Variants in B3GALT1 observed in about 807,000 individuals in gnomAD.
B3GALT1 encodes the protein UDP-Gal:betaGlcNAc beta 1,3-galactosyltransferase, polypeptide 1.
Under a neutral mutation model 23.2 loss-of-function variants are expected in B3GALT1, and 10 were observed. The ratio of observed to expected loss-of-function variants is 0.43; its 90% CI spans 0.27 to 0.73. B3GALT1 has a LOEUF of 0.73. B3GALT1 is among the 30% of genes least tolerant of loss of function. The pLI is 0.21. For synonymous variants in B3GALT1, 156 were observed against 141.5 expected (o/e 1.10, Z -0.73); for missense variants, 299 against 405.4 (o/e 0.74, Z 2.25).
At chr2:167,794,963 A>G (rs1330597746) in intron 3 of B3GALT1, among the ~76,000 whole-genome samples, 1 of 152,212 alleles carries the variant, frequency 6.6e-6, no homozygotes, top group Non-Finnish European at 1.5e-5. Context: ...ATATGGATGT[A>G]TGTAAAATAC....
At chr2:167,769,352 G>T (rs1688032812) in intron 3 of B3GALT1, among the ~76,000 whole-genome samples, 1 of 152,164 alleles carries the variant, frequency 6.6e-6, no homozygotes, top group South Asian at 2.1e-4. Flanking sequence ...GAAGTCTTAT[G>T]CTGAGTTACA....
chr2:167,844,513 C>T (rs939035381), intron 4 of B3GALT1, among the ~76,000 whole-genome samples: 1 of 152,182 alleles, frequency 6.6e-6, no homozygotes, highest in East Asian at 1.9e-4. Flanking sequence ...GCAGGAGAAG[C>T]TTCAGACCTT....
intron 4 of B3GALT1, among the ~76,000 whole-genome samples, chr2:167,828,001 C>G (rs1001559169): frequency 6.6e-6 from 1 of 152,158 alleles, no homozygotes; most frequent in African/African-American, 2.4e-5. Flanking sequence ...GCTCTAAGCT[C>G]TCTAAGAACA....
chr2:167,491,536 T>G (rs913105994), intron 2 of B3GALT1, among the ~76,000 whole-genome samples: 3 of 147,474 alleles, frequency 2.0e-5, no homozygotes, highest in Admixed American at 6.8e-5. Flanking sequence ...TTTTATGGGC[T>G]GGGTGCAGTG....
chr2:167,541,142 C>A (rs1382213719), intron 2 of B3GALT1, among the ~76,000 whole-genome samples: 1 of 152,052 alleles, frequency 6.6e-6, no homozygotes, highest in African/African-American at 2.4e-5. Flanking sequence ...CCTCCTACTT[C>A]TTTTTCTATC....
At chr2:167,451,930 G>T (rs563008172) in intron 1 of B3GALT1, among the ~76,000 whole-genome samples, 1 of 152,254 alleles carries the variant, frequency 6.6e-6, no homozygotes, top group African/African-American at 2.4e-5. Context: ...GATTATTGCT[G>T]CCTTTGCTGT....
intron 4 of B3GALT1, among the ~76,000 whole-genome samples, chr2:167,860,469 A>G (rs1690077090): frequency 6.6e-6 from 1 of 151,804 alleles, no homozygotes; most frequent in Admixed American, 6.6e-5. Flanking sequence ...TTTCTTCACC[A>G]TGTTTTTAAA....
intron 2 of B3GALT1, among the ~76,000 whole-genome samples, chr2:167,501,718 CAAAAAAAAAAAAA>C (rs35445623): frequency 7.6e-5 from 5 of 65,418 alleles, no homozygotes; most frequent in Admixed American, 1.7e-4. Flanking sequence ...TCTACAGTGG[CAAAAAAAAAAAAA>C]AAAAAAAAAA....
intron 1 of B3GALT1, among the ~76,000 whole-genome samples, chr2:167,454,239 G>A (rs1699134508): frequency 6.6e-6 from 1 of 152,038 alleles, no homozygotes; most frequent in African/African-American, 2.4e-5. Flanking sequence ...GTGTGTGCAT[G>A]TATGTGTGCA....
At chr2:167,579,564 A>G (rs138652467) in intron 2 of B3GALT1, among the ~76,000 whole-genome samples, 77 of 151,870 alleles carry the variant, frequency 5.1e-4, no homozygotes, top group African/African-American at 1.7e-3. Flanking sequence ...CTGACACTCA[A>G]TGAGGCCTGA....
At chr2:167,821,811 G>A (rs1689113292) in intron 4 of B3GALT1, among the ~76,000 whole-genome samples, 1 of 152,098 alleles carries the variant, frequency 6.6e-6, no homozygotes, top group Admixed American at 6.5e-5. Context: ...TTGTAGTTTG[G>A]TAGCTTTACA....
chr2:167,627,510 C>G (rs1685368271), intron 2 of B3GALT1, among the ~76,000 whole-genome samples: 1 of 151,570 alleles, frequency 6.6e-6, no homozygotes, highest in African/African-American at 2.4e-5. Flanking sequence ...GCAGTTTATT[C>G]CTTTTTATTG....
intron 1 of B3GALT1, among the ~76,000 whole-genome samples, chr2:167,368,580 C>T (rs1697627693): frequency 6.6e-6 from 1 of 152,158 alleles, no homozygotes; most frequent in African/African-American, 2.4e-5. Context: ...GTACATGATT[C>T]AGGCACCCCT....
chr2:167,447,837 C>T (rs13030694), intron 1 of B3GALT1, among the ~76,000 whole-genome samples: 7 of 152,200 alleles, frequency 4.6e-5, no homozygotes, highest in South Asian at 2.1e-4. Context: ...CACCCCACTT[C>T]GGCTCTTGCT....
intron 2 of B3GALT1, among the ~76,000 whole-genome samples, chr2:167,640,980 T>C (rs1033432232): frequency 5.3e-5 from 8 of 152,162 alleles, no homozygotes; most frequent in African/African-American, 1.9e-4. Context: ...ACTTGACCTT[T>C]CTATCTATTC....
chr2:167,727,409 A>G (rs1687335196), intron 3 of B3GALT1, among the ~76,000 whole-genome samples: 1 of 152,190 alleles, frequency 6.6e-6, no homozygotes, highest in Non-Finnish European at 1.5e-5. Context: ...GATAATACGC[A>G]TTGGCTCCTA....
intron 3 of B3GALT1, among the ~76,000 whole-genome samples, chr2:167,670,357 A>G (rs1686302321): frequency 6.6e-6 from 1 of 152,200 alleles, no homozygotes; most frequent in Non-Finnish European, 1.5e-5. Flanking sequence ...CACCCATAGA[A>G]AAAGTCTGAG....
At chr2:167,750,609 CTGTCCCCTCAGG>C (rs1687719675) in intron 3 of B3GALT1, among the ~76,000 whole-genome samples, 1 of 152,010 alleles carries the variant, frequency 6.6e-6, no homozygotes, top group African/African-American at 2.4e-5. Context: ...GTACCTGGTA[CTGTCCCCTCAGG>C]TGTCATATGA....
chr2:167,739,494 T>A (rs1687543773), intron 3 of B3GALT1, among the ~76,000 whole-genome samples: 1 of 152,222 alleles, frequency 6.6e-6, no homozygotes, highest in African/African-American at 2.4e-5. Context: ...ATGGTTTTAT[T>A]TCTCATATTT....
Sources: gnomAD v4.1 joint callset for allele counts (sites outside exome capture counted in the v4.1 genomes callset) on GRCh38, gnomAD v4.1.1 for gene constraint, MANE v1.5 for transcripts, NCBI Gene and HGNC (gene_info 2026-07-23, HGNC 2026-07-21) for gene names.